The following EVI5L variants were observed in gnomAD, a reference collection of about 807,000 sequenced individuals.
EVI5L encodes ecotropic viral integration site 5 like.
In EVI5L, 30 loss-of-function variants were observed where a neutral mutation model predicts 106.1. The observed-to-expected ratio is 0.28, with a 90% CI of 0.21 to 0.38. EVI5L has a LOEUF of 0.38. Ranked by LOEUF, EVI5L falls within the 10% of genes least tolerant of loss-of-function variation. EVI5L has a pLI of 1.00. For synonymous variants in EVI5L, 489 were observed against 483.3 expected, an observed-to-expected ratio of 1.01 and a Z score of -0.15; for missense variants, 809 against 1,098.0, an observed-to-expected ratio of 0.74 and a Z score of 3.72.
In EVI5L at chr19:7,863,058, G is replaced by T; in HGVS notation, c.2034G>T (p.Leu678=). ...VAEMRQRIAE[L]EIQREEGRIQ... Reference sequence around the variant, plus strand: ...AGATGCGGCAGCGCATTGCCGAGCTGGAGATCCAGGTGATCGGCGGGGCCG... The same window carrying T: ...AGATGCGGCAGCGCATTGCCGAGCTTGAGATCCAGGTGATCGGCGGGGCCG... The change falls in exon 18 of 20, where the codon CTG becomes CTT. Residue 678 remains leucine (L), a synonymous_variant. Transcript: ENST00000538904. The surrounding 1 kb of genome is among the most constrained non-coding windows in gnomAD (Gnocchi z 7.7). 2 of 1,558,394 alleles carry T rather than the reference G, an allele frequency of 1.3e-6. No homozygotes were observed. The highest frequency in any genetic ancestry group is 2.4e-5 in the East Asian group (1 of 41,256).
chr19:7,843,501 AGG>A (rs1978795684), intron 1 of EVI5L, among the ~76,000 whole-genome samples: 1 of 118,404 alleles, frequency 8.4e-6, no homozygotes. Flanking sequence ...GCATGTGTAT[AGG>A]TGTATGAGTG....
At chr19:7,846,390 T>G (rs1599567269) in intron 1 of EVI5L, 106 bp from the exon 2 acceptor site, 2 of 1,035,366 alleles carry the variant, frequency 1.9e-6, no homozygotes, top group Admixed American at 2.8e-5. Flanking sequence ...CGGACGGGGG[T>G]GGACCAGAGG....
chr19:7,856,161 G>A lies in EVI5L; in HGVS notation c.1200+93G>A. 1 of 1,200,674 alleles carries A rather than the reference G, an allele frequency of 8.3e-7. No individual in the cohort carries two copies. The allele number at this position is 1,200,674 out of a possible 1,614,324, so 74.4% of individuals were successfully genotyped here. A position where few individuals can be genotyped will look rare whatever the true frequency, so the allele number is the denominator to read the frequency against. On this transcript the variant is annotated intron_variant, in intron 11 of 19. Transcript: ENST00000538904. The surrounding 1 kb of genome is among the most constrained non-coding windows in gnomAD (Gnocchi z 6.6). ...GCTAACCTGGGGTGGACTCCTCCAAGTCTTCTCCTCTCTGGAGGACTAAGC... is the reference window on the plus strand; with the variant it reads ...GCTAACCTGGGGTGGACTCCTCCAAATCTTCTCCTCTCTGGAGGACTAAGC...
intron 1 of EVI5L, among the ~76,000 whole-genome samples, chr19:7,834,173 C>T (rs971981800): frequency 6.6e-6 from 1 of 152,004 alleles, no homozygotes; most frequent in African/African-American, 2.4e-5. Context: ...ATGGTGAAAC[C>T]CCGTCTCTAT....
intron 2 of EVI5L, among the ~76,000 whole-genome samples, chr19:7,847,327 C>A (rs973250937): frequency 1.3e-5 from 2 of 151,704 alleles, no homozygotes; most frequent in Non-Finnish European, 2.9e-5. Flanking sequence ...GTGGCTCAAG[C>A]CTGTAATCCC....
rs1022684124 is a variant in EVI5L, at chr19:7,853,528, G to A, written c.1146+195G>A. The A allele has an allele frequency of 1.7e-5, 12 of 696,956 alleles. No homozygotes were observed. In the African/African-American group the frequency reaches 2.2e-4, roughly 13 times the overall value. The allele number at this position is 696,956 out of a possible 1,614,324, so 43.2% of individuals were successfully genotyped here. ...CCAGCTGTGAGCGCCTCCCCCGCCT[G>A]ACGCCGCGGTAACCAAGACAGTCAA... On this transcript the variant is annotated intron_variant, in intron 10 of 19. Transcript: ENST00000538904.
chr19:7,841,233 A>G (rs1978587863), intron 1 of EVI5L, among the ~76,000 whole-genome samples: 1 of 152,030 alleles, frequency 6.6e-6, no homozygotes, highest in Non-Finnish European at 1.5e-5. Flanking sequence ...CCAGTTCTTG[A>G]GAGAAACGAA....
At chr19:7,853,423 G>A in intron 10 of EVI5L, 90 bp downstream of exon 10, 2 of 1,514,806 alleles carry the variant, frequency 1.3e-6, no homozygotes, top group Non-Finnish European at 1.8e-6. Flanking sequence ...TAGGGGGCGG[G>A]CCTTCCCAGC....
chr19:7,862,130 G>T lies in EVI5L; in HGVS notation c.1653G>T (p.Leu551=). The part of the protein sequence containing the change: ...QELSDTWQAH[L]ARGGRWKESP... Reference sequence around the variant, plus strand: ...TCGGCTTCACCCCCCAGGCCCATCTGGCCCGCGGCGGCCGCTGGAAGGAGT... The same window carrying T: ...TCGGCTTCACCCCCCAGGCCCATCTTGCCCGCGGCGGCCGCTGGAAGGAGT... The change falls in exon 16 of 20, where the codon CTG becomes CTT. Residue 551 remains leucine (L), a synonymous_variant. Coordinates refer to ENST00000538904, the MANE Select transcript of EVI5L (RefSeq NM_001159944.3). 6.4e-7 allele frequency: 1 copy of T among 1,567,824 alleles called. No individual in the cohort carries two copies.
At chr19:7,862,364 G>GTCCTCCCT (rs747912192) in intron 16 of EVI5L, 24 bp from the exon 17 acceptor site, 2 of 1,587,220 alleles carry the variant, frequency 1.3e-6, no homozygotes, top group Admixed American at 1.7e-5. Flanking sequence ...GCCGTCCTCC[G>GTCCTCCCT]TCCTCCCTTC....
In EVI5L at chr19:7,850,839, G is replaced by A. The variant is rs144438354; in HGVS notation, c.754-595G>A. Among the ~76,000 whole-genome samples, 1,635 of 152,338 alleles carry A rather than the reference G, an allele frequency of 0.011. 14 individuals carry two copies. Among genetic ancestry groups the A allele is most frequent in the Non-Finnish European group, 0.016 (1,105 of 68,030 alleles). On this transcript the variant is annotated intron_variant, in intron 6 of 19. Coordinates refer to ENST00000538904, the MANE Select transcript of EVI5L (RefSeq NM_001159944.3). This position sits in a 1 kb window ranked among gnomAD's most constrained non-coding sequence, Gnocchi z 5.4. ...CCACAGCCAAGCTTGCAAACTCAGGGCGCAGAGAGCCCCTGGCGCTGGGAG... is the reference window on the plus strand; with the variant it reads ...CCACAGCCAAGCTTGCAAACTCAGGACGCAGAGAGCCCCTGGCGCTGGGAG...
chr19:7,863,740 C>T lies in EVI5L; in HGVS notation c.*38C>T. On this transcript the variant is annotated 3_prime_UTR_variant, in exon 20 of 20. Transcript: ENST00000538904. The surrounding 1 kb of genome is among the most constrained non-coding windows in gnomAD (Gnocchi z 7.7). ...CGCGCCCGGAGTCAGGAGGCCGCAGCCGCGGGGGGCGCCCGGGCAGTCCGC... is the reference window on the plus strand; with the variant it reads ...CGCGCCCGGAGTCAGGAGGCCGCAGTCGCGGGGGGCGCCCGGGCAGTCCGC... 7.0e-7 allele frequency: 1 copy of T among 1,428,484 alleles called. No individual in the cohort carries two copies. The highest frequency in any genetic ancestry group is 9.1e-7 in the Non-Finnish European group (1 of 1,097,204). 88.5% of individuals were successfully genotyped at this position (1,428,484 alleles called of 1,614,324 possible).
At position 7,846,674 on chromosome 19, in the gene EVI5L, G is replaced by A; in HGVS notation, c.132G>A (p.Gln44=). 1 of 1,612,726 alleles carries A rather than the reference G, an allele frequency of 6.2e-7. No homozygotes were observed. The highest frequency in any genetic ancestry group is 1.1e-5 in the South Asian group (1 of 90,974). The change falls in exon 2 of 20, where the codon CAG becomes CAA. Residue 44 remains glutamine, a synonymous_variant. Coordinates refer to ENST00000538904, the MANE Select transcript of EVI5L (RefSeq NM_001159944.3). Reference sequence around the variant, plus strand: ...AGCTGCTGGCCAAGCTCGAAGAGCAGAACCGGTGAGTTGGGGGCTGGGGGA... The same window carrying A: ...AGCTGCTGGCCAAGCTCGAAGAGCAAAACCGGTGAGTTGGGGGCTGGGGGA... ...ELELLAKLEE[Q]NRLLEADSKS...
chr19:7,842,368 G>GTGTGCATGTGTGTGGGGA (rs56352224), intron 1 of EVI5L, among the ~76,000 whole-genome samples: 4 of 136,618 alleles, frequency 2.9e-5, no homozygotes, highest in African/African-American at 5.1e-5. Context: ...TGTATCAAGT[G>GTGTGCATGTGTGTGGGGA]CGTGCATGTG....
intron 1 of EVI5L, among the ~76,000 whole-genome samples, chr19:7,842,550 GTGTA>G (rs1293578038): frequency 1.3e-5 from 2 of 148,570 alleles, no homozygotes; most frequent in African/African-American, 5.0e-5. Context: ...TATCAAGTGT[GTGTA>G]TGTGTGTGAA....
intron 1 of EVI5L, among the ~76,000 whole-genome samples, chr19:7,833,658 G>C (rs1237209300): frequency 6.6e-6 from 1 of 152,210 alleles, no homozygotes; most frequent in South Asian, 2.1e-4. Context: ...GAGCAAGCGT[G>C]GTGCGCTCAG....
At chr19:7,852,476 C>A (rs1208158696) in intron 8 of EVI5L, among the ~76,000 whole-genome samples, 1 of 152,076 alleles carries the variant, frequency 6.6e-6, no homozygotes, top group African/African-American at 2.4e-5. Context: ...CACGAAGGTC[C>A]CCTCTGTCAG....
chr19:7,850,448 G>A lies in EVI5L; in HGVS notation c.753+326G>A, dbSNP rs1207421512. 6.6e-6 allele frequency among the ~76,000 whole-genome samples: 1 copy of A among 152,166 alleles called. No homozygotes were observed. The highest frequency in any genetic ancestry group is 1.5e-5 in the Non-Finnish European group (1 of 68,014). On this transcript the variant is annotated intron_variant, in intron 6 of 19. Coordinates refer to ENST00000538904, the MANE Select transcript of EVI5L (RefSeq NM_001159944.3). This position sits in a 1 kb window ranked among gnomAD's most constrained non-coding sequence, Gnocchi z 5.4. ...CACAGCCACCTCCCTGTCTGCTCCA[G>A]AGTGTGGTGGAAGGAGGGAGTGTTG...
chr19:7,836,339 G>A (rs1003367483), intron 1 of EVI5L, among the ~76,000 whole-genome samples: 1 of 152,220 alleles, frequency 6.6e-6, no homozygotes, highest in Non-Finnish European at 1.5e-5. Context: ...GCCACAGACT[G>A]AAAGATGCAT....
Sources: allele counts gnomAD v4.1 joint callset (sites outside exome capture counted in the v4.1 genomes callset), GRCh38; gene constraint gnomAD v4.1.1; non-coding constraint Gnocchi (gnomAD v3.1); transcripts MANE v1.5; gene names NCBI Gene and HGNC (gene_info 2026-07-23, HGNC 2026-07-21).